The following FAM13C variants were observed in gnomAD, a reference collection of about 807,000 sequenced individuals.
The protein encoded by FAM13C is family with sequence similarity 13 member C.
In FAM13C, 37 loss-of-function variants were observed where a neutral mutation model predicts 73.2. The ratio of observed to expected loss-of-function variants is 0.51; its 90% CI spans 0.39 to 0.67. The LOEUF is 0.67. FAM13C is among the 30% of genes least tolerant of loss of function. The probability of loss-of-function intolerance (pLI) is 0.00; values close to 1 mark genes in which losing one functional copy is unlikely to be tolerated. For synonymous variants in FAM13C, 246 were observed against 260.9 expected (o/e 0.94, Z 0.55); for missense variants, 589 against 715.6 (o/e 0.82, Z 2.02).
intron 3 of FAM13C, among the ~76,000 whole-genome samples, chr10:59,330,034 A>C (rs1851762263): frequency 6.6e-6 from 1 of 152,220 alleles, no homozygotes; most frequent in Non-Finnish European, 1.5e-5. Context: ...GCGGATATTG[A>C]GTATTTCCAT....
chr10:59,272,552 A>G (rs1843827411), intron 6 of FAM13C, among the ~76,000 whole-genome samples: 1 of 152,174 alleles, frequency 6.6e-6, no homozygotes. Context: ...CTAAGGTGGA[A>G]CCTTTGTTCC....
At chr10:59,281,339 A>C (rs1844899691) in intron 6 of FAM13C, among the ~76,000 whole-genome samples, 1 of 152,204 alleles carries the variant, frequency 6.6e-6, no homozygotes, top group Non-Finnish European at 1.5e-5. Flanking sequence ...GTAAGAGTGC[A>C]TCTAAGAACC....
At chr10:59,261,154 G>A (rs1487292372) in intron 10 of FAM13C, among the ~76,000 whole-genome samples, 2 of 152,132 alleles carry the variant, frequency 1.3e-5, no homozygotes, top group African/African-American at 4.8e-5. Context: ...AAGAGTTTCT[G>A]TATATATATG....
intron 5 of FAM13C, among the ~76,000 whole-genome samples, chr10:59,285,492 A>G (rs1845446293): frequency 6.6e-6 from 1 of 152,218 alleles, no homozygotes; most frequent in South Asian, 2.1e-4. Flanking sequence ...AAATAATGCC[A>G]TGGGAATGCA....
chr10:59,314,313 C>A (rs1849275412), intron 4 of FAM13C, among the ~76,000 whole-genome samples: 1 of 152,124 alleles, frequency 6.6e-6, no homozygotes. Context: ...TGGGCCAGAC[C>A]CTGAATGAAG....
At position 59,335,232 on chromosome 10, in the gene FAM13C, T is replaced by A. The variant is rs186657572; in HGVS notation, c.325-11126A>T. ...AGAGGTGATCTCCCTTTAGAAAGCA[T>A]GCTTCCTTCTATGCAATAAGATCAG... is the stretch of plus-strand genomic sequence containing the variant. On this transcript the variant is annotated intron_variant, in intron 3 of 13. Coordinates refer to ENST00000618804, the MANE Select transcript of FAM13C (RefSeq NM_198215.4). Among the ~76,000 whole-genome samples, 45 of 152,312 alleles carry A rather than the reference T, an allele frequency of 3.0e-4. No homozygotes were observed. The South Asian group carries it at 7.7e-3, about 26-fold the overall frequency.
intron 3 of FAM13C, among the ~76,000 whole-genome samples, chr10:59,351,656 A>ATCT: frequency 6.6e-6 from 1 of 152,136 alleles, no homozygotes; most frequent in East Asian, 1.9e-4. Flanking sequence ...CAACAGAGAG[A>ATCT]TCCTCCTCCA....
intron 5 of FAM13C, among the ~76,000 whole-genome samples, chr10:59,289,360 A>G (rs1351859391): frequency 6.6e-6 from 1 of 152,164 alleles, no homozygotes; most frequent in Non-Finnish European, 1.5e-5. Context: ...CCACTGCCAC[A>G]TACATGTCCT....
At chr10:59,312,396 C>T (rs1226959486) in intron 4 of FAM13C, among the ~76,000 whole-genome samples, 3 of 152,120 alleles carry the variant, frequency 2.0e-5, no homozygotes, top group Admixed American at 2.0e-4. Context: ...TATCCTTCAC[C>T]TGTCATCTTC....
chr10:59,314,716 A>G (rs1237242197), intron 4 of FAM13C, among the ~76,000 whole-genome samples: 1 of 151,912 alleles, frequency 6.6e-6, no homozygotes, highest in Non-Finnish European at 1.5e-5. Flanking sequence ...GGGTCTTGAT[A>G]TTTCCCTTGT....
chr10:59,272,213 C>A (rs1181705377), intron 6 of FAM13C, among the ~76,000 whole-genome samples: 1 of 152,220 alleles, frequency 6.6e-6, no homozygotes, highest in Non-Finnish European at 1.5e-5. Flanking sequence ...ACATCCTAAC[C>A]TCCTTGCCTC....
rs543350196 is a variant in FAM13C, at chr10:59,295,629, T to A, written c.507+7172A>T. Among the ~76,000 whole-genome samples, 3 of 152,248 alleles carry A rather than the reference T, an allele frequency of 2.0e-5. No homozygotes were observed. In the South Asian group the frequency reaches 6.2e-4, roughly 32 times the overall value. ...ACCCTAAGCAGAAAACCCAGTTGAG[T>A]CCACCCACATTTCTGACCTACATAA... On this transcript the variant is annotated intron_variant, in intron 5 of 13. Transcript: ENST00000618804.
At position 59,283,372 on chromosome 10, in the gene FAM13C, C is replaced by A; in HGVS notation, c.583G>T (p.Asp195Tyr). The change falls in exon 6 of 14, where the codon GAT becomes TAT. Residue 195 changes from aspartate to tyrosine, a missense_variant. Asp to Tyr is a radical substitution (Grantham distance 160). Transcript: ENST00000618804. ...CAGCCCTGTATCTTACCTGCAGAAT[C>A]TGTCCCATCGGCAAGCACGCTCTGG... ...STQSVLADGT[D>Y]SADPSPVHKD... 2 of 1,614,180 alleles carry A rather than the reference C, an allele frequency of 1.2e-6. No homozygotes were observed. The highest frequency in any genetic ancestry group is 1.7e-6 in the Non-Finnish European group (2 of 1,180,020).
At chr10:59,270,177 A>C in intron 6 of FAM13C, 68 bp from the exon 7 acceptor site, 2 of 1,456,996 alleles carry the variant, frequency 1.4e-6, no homozygotes, top group Non-Finnish European at 1.9e-6. Context: ...ATGTTCCTAA[A>C]TAAAGATCAT....
At chr10:59,282,058 A>G (rs1285243898) in intron 6 of FAM13C, 1 of 152,236 alleles carries the variant, frequency 6.6e-6, no homozygotes, top group African/African-American at 2.4e-5. Context: ...TTTGCCACTC[A>G]TCCAAACATA....
intron 2 of FAM13C, 131 bp from the exon 3 acceptor site, chr10:59,352,605 C>T: frequency 1.2e-6 from 1 of 866,114 alleles, no homozygotes; most frequent in Non-Finnish European, 1.7e-6. Context: ...TTTTAGCCTA[C>T]ACTTAGACAA....
chr10:59,297,495 A>T (rs2133825180), intron 5 of FAM13C, among the ~76,000 whole-genome samples: 1 of 152,186 alleles, frequency 6.6e-6, no homozygotes, highest in Non-Finnish European at 1.5e-5. Flanking sequence ...CTATTCCATG[A>T]CCTGAATATT....
At chr10:59,283,836 G>A (rs1222841633) in intron 5 of FAM13C, among the ~76,000 whole-genome samples, 1 of 152,160 alleles carries the variant, frequency 6.6e-6, no homozygotes, top group Non-Finnish European at 1.5e-5. Context: ...TACGCTTTGA[G>A]TGTTTCATTC....
chr10:59,350,024 A>G (rs1854824279), intron 3 of FAM13C, among the ~76,000 whole-genome samples: 1 of 152,240 alleles, frequency 6.6e-6, no homozygotes. Context: ...TTACGGCAAT[A>G]GGATAATTTG....
Sources: allele counts gnomAD v4.1 joint callset (sites outside exome capture counted in the v4.1 genomes callset), GRCh38; gene constraint gnomAD v4.1.1; transcripts MANE v1.5; gene names NCBI Gene and HGNC (gene_info 2026-07-23, HGNC 2026-07-21).